TC2N: variants seen among roughly 807,000 people sequenced by gnomAD.
TC2N encodes the protein tandem C2 domains nuclear protein.
Under a neutral mutation model 61.9 loss-of-function variants are expected in TC2N, and 51 were observed. The observed-to-expected ratio is 0.82, with a 90% CI of 0.66 to 1.04. The LOEUF (loss-of-function observed/expected upper bound fraction) is 1.04. TC2N is among the 50% of genes least tolerant of loss of function. The probability of loss-of-function intolerance (pLI) is 0.00; values close to 1 mark genes in which losing one functional copy is unlikely to be tolerated. For synonymous variants in TC2N, 204 were observed against 192.6 expected (o/e 1.06, Z -0.49); for missense variants, 556 against 566.7 (o/e 0.98, Z 0.19).
intron 8 of TC2N, among the ~76,000 whole-genome samples, chr14:91,795,837 GTCTT>G (rs909952994): frequency 2.0e-5 from 3 of 152,022 alleles, no homozygotes; most frequent in African/African-American, 7.2e-5. Context: ...AGCCAGAACT[GTCTT>G]TCTGAGGGTC....
chr14:91,792,120 A>G (rs1885688112), intron 9 of TC2N, among the ~76,000 whole-genome samples: 1 of 151,486 alleles, frequency 6.6e-6, no homozygotes, highest in African/African-American at 2.4e-5. Flanking sequence ...CTCCATCTCA[A>G]AGAAAAAAAG....
At chr14:91,809,366 C>T (rs1432506096) in intron 3 of TC2N, among the ~76,000 whole-genome samples, 2 of 152,092 alleles carry the variant, frequency 1.3e-5, no homozygotes, top group Non-Finnish European at 1.5e-5. Flanking sequence ...CAAAACCATG[C>T]CACTGCACTC....
At chr14:91,844,942 G>T (rs143399713) in intron 1 of TC2N, among the ~76,000 whole-genome samples, 3 of 152,126 alleles carry the variant, frequency 2.0e-5, no homozygotes, top group African/African-American at 4.8e-5. Flanking sequence ...ATAAGTAAGT[G>T]TGTATACATT....
chr14:91,817,335 C>T (rs1887050773), intron 1 of TC2N, among the ~76,000 whole-genome samples: 2 of 151,848 alleles, frequency 1.3e-5, no homozygotes, highest in Non-Finnish European at 2.9e-5. Flanking sequence ...TTCAAAGGCC[C>T]TGTTCAGCCC....
intron 1 of TC2N, among the ~76,000 whole-genome samples, chr14:91,820,679 T>G (rs1887204763): frequency 6.7e-6 from 1 of 150,228 alleles, no homozygotes; most frequent in South Asian, 2.1e-4. Context: ...CACTCTTCAT[T>G]CACAGACAAC....
intron 1 of TC2N, among the ~76,000 whole-genome samples, chr14:91,835,051 C>G (rs980428983): frequency 1.3e-5 from 2 of 152,216 alleles, no homozygotes; most frequent in Non-Finnish European, 2.9e-5. Context: ...CTCATTTTCT[C>G]TCCACCTGAA....
At chr14:91,830,999 T>C (rs1887743797) in intron 1 of TC2N, among the ~76,000 whole-genome samples, 1 of 152,206 alleles carries the variant, frequency 6.6e-6, no homozygotes, top group Admixed American at 6.5e-5. Flanking sequence ...CAACTATCCT[T>C]GGTGACATGC....
At chr14:91,795,086 G>A (rs1489624997) in intron 8 of TC2N, among the ~76,000 whole-genome samples, 2 of 152,098 alleles carry the variant, frequency 1.3e-5, no homozygotes, top group East Asian at 3.8e-4. Flanking sequence ...AACAGCAAGA[G>A]AACTAGAATT....
intron 1 of TC2N, among the ~76,000 whole-genome samples, chr14:91,859,642 G>A (rs1888552291): frequency 6.6e-6 from 1 of 152,160 alleles, no homozygotes; most frequent in Admixed American, 6.5e-5. Flanking sequence ...TACACCACAG[G>A]GGCACTGGTA....
intron 5 of TC2N, 135 bp downstream of exon 5, chr14:91,800,146 A>G (rs1239202616): frequency 4.4e-6 from 2 of 456,952 alleles, no homozygotes; most frequent in Non-Finnish European, 7.8e-6. Context: ...AATATCAATT[A>G]TTTATTCTTC....
At chr14:91,853,451 G>T (rs188243694) in intron 1 of TC2N, among the ~76,000 whole-genome samples, 64 of 152,264 alleles carry the variant, frequency 4.2e-4, no homozygotes, top group African/African-American at 1.5e-3. Context: ...TGAACCCCAA[G>T]ACTCAATAGT....
chr14:91,794,226 A>G (rs1258033284), intron 8 of TC2N, among the ~76,000 whole-genome samples: 1 of 152,234 alleles, frequency 6.6e-6, no homozygotes, highest in Non-Finnish European at 1.5e-5. Flanking sequence ...TAAGGAAAGA[A>G]ACAGTCTCCA....
Position 91,804,943 on chromosome 14 carries a change from C to T in TC2N, c.302-2522G>A, listed in dbSNP as rs116385434. On this transcript the variant is annotated intron_variant, in intron 3 of 11. Transcript: ENST00000435962. ...TGTTTCTGTTTTGTGCATTTTTCTA[C>T]GTGTATAATATTTCATAATTTAAAA... Among the ~76,000 whole-genome samples the T allele has an allele frequency of 3.9e-3, 592 of 152,160 alleles. 6 individuals are homozygous for T. Among genetic ancestry groups the T allele is most frequent in the African/African-American group, 0.013 (555 of 41,506 alleles).
chr14:91,825,426 G>A (rs1378025980), intron 1 of TC2N, among the ~76,000 whole-genome samples: 1 of 152,088 alleles, frequency 6.6e-6, no homozygotes, highest in Non-Finnish European at 1.5e-5. Context: ...CCAGCTAATA[G>A]GTTTGCCTTT....
chr14:91,823,477 G>T (rs1272453274), intron 1 of TC2N, among the ~76,000 whole-genome samples: 1 of 150,236 alleles, frequency 6.7e-6, no homozygotes, highest in Non-Finnish European at 1.5e-5. Flanking sequence ...CCGAGATCAC[G>T]CCATTGCACT....
chr14:91,797,138 CAA>C (rs1011493291), intron 8 of TC2N, among the ~76,000 whole-genome samples: 1 of 151,308 alleles, frequency 6.6e-6, no homozygotes, highest in African/African-American at 2.4e-5. Flanking sequence ...AAGAAGAAAG[CAA>C]AGAAAGAAAG....
At chr14:91,862,339 CAAA>C (rs56816512) in intron 1 of TC2N, among the ~76,000 whole-genome samples, 1 of 106,446 alleles carries the variant, frequency 9.4e-6, no homozygotes, top group Non-Finnish European at 2.0e-5. Flanking sequence ...GACTCTGTCT[CAAA>C]AAAAAAAAAA....
At chr14:91,801,378 GT>G (rs1393359008) in intron 4 of TC2N, among the ~76,000 whole-genome samples, 1 of 152,220 alleles carries the variant, frequency 6.6e-6, no homozygotes, top group Non-Finnish European at 1.5e-5. Flanking sequence ...ATCTGGGCTG[GT>G]GTAGTGGCTC....
chr14:91,838,877 G>T (rs1172645810), intron 1 of TC2N, among the ~76,000 whole-genome samples: 1 of 152,224 alleles, frequency 6.6e-6, no homozygotes, highest in East Asian at 1.9e-4. Context: ...AAGGCTACTT[G>T]AATGGAGGAT....
Sources: gnomAD v4.1 joint callset for allele counts (sites outside exome capture counted in the v4.1 genomes callset) on GRCh38, gnomAD v4.1.1 for gene constraint, MANE v1.5 for transcripts, NCBI Gene and HGNC (gene_info 2026-07-23, HGNC 2026-07-21) for gene names.